Variants in LRP1B observed in about 807,000 individuals in gnomAD.
The protein encoded by LRP1B is LDL receptor related protein 1B, also known as low-density lipoprotein receptor-related protein 1B.
LRP1B carries 217 observed loss-of-function variants against 556.6 expected under a neutral mutation model. That is an observed-to-expected ratio of 0.39 (90% confidence interval 0.35 to 0.44). The LOEUF is 0.44. LRP1B is among the 20% of genes least tolerant of loss of function. The probability of loss-of-function intolerance (pLI) is 1.00; values close to 1 mark genes in which losing one functional copy is unlikely to be tolerated. For synonymous variants in LRP1B, 2,047 were observed against 1,865.8 expected (o/e 1.10, Z -2.50); for missense variants, 5,053 against 5,620.8 (o/e 0.90, Z 3.23).
At chr2:140,594,524 T>A (rs191712181) in intron 43 of LRP1B, among the ~76,000 whole-genome samples, 54 of 152,310 alleles carry the variant, frequency 3.5e-4, no homozygotes, top group Non-Finnish European at 2.5e-4. Flanking sequence ...ACCCACTTCA[T>A]CATACTGCAT....
chr2:140,748,111 A>ATATC (rs2104883373), intron 35 of LRP1B, among the ~76,000 whole-genome samples: 1 of 129,210 alleles, frequency 7.7e-6, no homozygotes, highest in African/African-American at 3.0e-5. Context: ...ATATATATAT[A>ATATC]TATATATATA....
At chr2:140,496,415 G>T (rs1012789988) in intron 55 of LRP1B, among the ~76,000 whole-genome samples, 1 of 152,070 alleles carries the variant, frequency 6.6e-6, no homozygotes, top group African/African-American at 2.4e-5. Flanking sequence ...TTTATTGACT[G>T]TGTTTGATTC....
intron 2 of LRP1B, among the ~76,000 whole-genome samples, chr2:141,690,919 G>C (rs7582357): frequency 0.56 from 84,686 of 151,282 alleles, 24,152 homozygotes; most frequent in East Asian, 0.79. Flanking sequence ...ATGAGGTACA[G>C]CATCAGGACC....
intron 2 of LRP1B, among the ~76,000 whole-genome samples, chr2:141,587,435 T>C (rs948696763): frequency 3.9e-5 from 6 of 152,228 alleles, no homozygotes; most frequent in African/African-American, 1.4e-4. Context: ...AGATAATGCC[T>C]AGTTCAAAGA....
chr2:140,448,568 G>C (rs551226901), intron 63 of LRP1B, among the ~76,000 whole-genome samples: 1 of 152,146 alleles, frequency 6.6e-6, no homozygotes, highest in South Asian at 2.1e-4. Context: ...AACTCATAGA[G>C]ACAGAGAATA....
At chr2:141,405,649 T>C (rs1351145180) in intron 3 of LRP1B, among the ~76,000 whole-genome samples, 1 of 152,058 alleles carries the variant, frequency 6.6e-6, no homozygotes, top group Non-Finnish European at 1.5e-5. Context: ...TTTTAAAAAA[T>C]GATTAATCTC....
chr2:141,509,061 T>C (rs1020083800), intron 2 of LRP1B, among the ~76,000 whole-genome samples: 1 of 152,110 alleles, frequency 6.6e-6, no homozygotes, highest in Admixed American at 6.6e-5. Flanking sequence ...GGGATAATAA[T>C]CTGGAATGAC....
At chr2:140,794,488 C>T (rs1428804079) in intron 32 of LRP1B, among the ~76,000 whole-genome samples, 27 of 46,164 alleles carry the variant, frequency 5.8e-4, no homozygotes, top group African/African-American at 1.2e-3. Context: ...AACACACACA[C>T]ACACACACAC....
intron 32 of LRP1B, among the ~76,000 whole-genome samples, chr2:140,791,958 G>A (rs945606878): frequency 6.6e-5 from 10 of 152,146 alleles, no homozygotes; most frequent in Non-Finnish European, 5.9e-5. Flanking sequence ...TTCTGAAGGT[G>A]ATATAAATTT....
intron 11 of LRP1B, among the ~76,000 whole-genome samples, chr2:141,045,333 G>A (rs1698837153): frequency 6.6e-6 from 1 of 150,590 alleles, no homozygotes; most frequent in African/African-American, 2.4e-5. Flanking sequence ...TGACGAGATA[G>A]TGGGTGCAGC....
At chr2:141,618,054 T>C (rs1688372885) in intron 2 of LRP1B, among the ~76,000 whole-genome samples, 1 of 152,140 alleles carries the variant, frequency 6.6e-6, no homozygotes, top group African/African-American at 2.4e-5. Context: ...CAAATCAAAG[T>C]CCTGAGTGTT....
chr2:142,074,569 C>T (rs1194811064), intron 1 of LRP1B, among the ~76,000 whole-genome samples: 1 of 152,006 alleles, frequency 6.6e-6, no homozygotes, highest in Non-Finnish European at 1.5e-5. Context: ...CTGTAGAACT[C>T]CTGTGGGAAT....
At chr2:141,563,394 A>G (rs1321587685) in intron 2 of LRP1B, among the ~76,000 whole-genome samples, 1 of 152,046 alleles carries the variant, frequency 6.6e-6, no homozygotes, top group African/African-American at 2.4e-5. Context: ...AAAGTCAGGC[A>G]GAACCTCCAA....
chr2:140,245,496 C>T (rs1395021277), intron 87 of LRP1B, among the ~76,000 whole-genome samples: 2 of 151,156 alleles, frequency 1.3e-5, no homozygotes, highest in African/African-American at 2.4e-5. Flanking sequence ...TCTTTATATT[C>T]GATCATTGAG....
At chr2:142,087,597 T>G (rs183487621) in intron 1 of LRP1B, among the ~76,000 whole-genome samples, 1 of 151,490 alleles carries the variant, frequency 6.6e-6, no homozygotes, top group Non-Finnish European at 1.5e-5. Flanking sequence ...AAATATTATA[T>G]TGAATATTAC....
chr2:140,267,785 C>A (rs11680589), intron 86 of LRP1B, among the ~76,000 whole-genome samples: 146,681 of 152,084 alleles, frequency 0.96, 70,975 homozygotes, highest in Middle Eastern at 1. Flanking sequence ...TAAAGAGCCA[C>A]ATACAAACAG....
intron 20 of LRP1B, among the ~76,000 whole-genome samples, chr2:140,943,632 A>G (rs1695462160): frequency 6.6e-6 from 1 of 152,118 alleles, no homozygotes. Flanking sequence ...AAACCACCCA[A>G]TTACATGGAA....
intron 2 of LRP1B, among the ~76,000 whole-genome samples, chr2:141,587,709 C>T (rs1687193658): frequency 6.6e-6 from 1 of 151,934 alleles, no homozygotes; most frequent in South Asian, 2.1e-4. Context: ...ACATAATTAC[C>T]TTTGAGATTA....
At position 141,466,950 on chromosome 2, in the gene LRP1B, G is replaced by GATATATATATAT. The variant is rs59093011; in HGVS notation, c.343+13434_343+13445dup. 2.0e-3 allele frequency among the ~76,000 whole-genome samples: 284 copies of GATATATATATAT among 140,770 alleles called. 4 individuals are homozygous for GATATATATATAT. The highest frequency in any genetic ancestry group is 6.9e-3 in the African/African-American group (255 of 36,850). The allele number at this position is 140,770 out of a possible 152,430, so 92.4% of individuals were successfully genotyped here. ...ATAAGTGAAAAGGAAGTGCTCAGGG[G>GATATATATATAT]ATATATATATATATATATATATCCC... On this transcript the variant is annotated intron_variant, in intron 3 of 90. Transcript: ENST00000389484.
Sources: allele counts gnomAD v4.1 joint callset (sites outside exome capture counted in the v4.1 genomes callset), GRCh38; gene constraint gnomAD v4.1.1; transcripts MANE v1.5; gene names NCBI Gene and HGNC (gene_info 2026-07-23, HGNC 2026-07-21).